Variants in NIM1K observed in about 807,000 individuals in gnomAD.
The protein encoded by NIM1K is serine/threonine-protein kinase NIM1.
NIM1K carries 35 observed loss-of-function variants against 37.1 expected under a neutral mutation model. The ratio of observed to expected loss-of-function variants is 0.94; its 90% CI spans 0.72 to 1.25. The LOEUF (loss-of-function observed/expected upper bound fraction) is 1.25. Among genes scored for constraint, NIM1K ranks in the 50% most tolerant of loss-of-function variants. The probability of loss-of-function intolerance (pLI) is 0.00; values close to 1 mark genes in which losing one functional copy is unlikely to be tolerated. For missense variants in NIM1K, 564 were observed against 548.0 expected, an observed-to-expected ratio of 1.03 and a Z score of -0.29; for synonymous variants, 234 against 206.6, an observed-to-expected ratio of 1.13 and a Z score of -1.14.
intron 1 of NIM1K, among the ~76,000 whole-genome samples, chr5:43,240,915 T>A (rs1408340396): frequency 6.6e-6 from 1 of 151,982 alleles, no homozygotes; most frequent in Non-Finnish European, 1.5e-5. Context: ...TGTAACTCAT[T>A]CTTTTTCACA....
chr5:43,232,432 G>A (rs749114703), intron 1 of NIM1K: 1 of 1,476,218 alleles, frequency 6.8e-7, no homozygotes, highest in Non-Finnish European at 9.5e-7. Context: ...CAACATTCAG[G>A]ACTCCATCAA....
intron 1 of NIM1K, among the ~76,000 whole-genome samples, chr5:43,218,019 T>C (rs912844233): frequency 4.0e-5 from 6 of 150,760 alleles, no homozygotes; most frequent in African/African-American, 1.5e-4. Context: ...GACCTCTATT[T>C]TTCTTTTTTT....
chr5:43,229,484 C>T (rs141500626), intron 1 of NIM1K, among the ~76,000 whole-genome samples: 158 of 151,796 alleles, frequency 1.0e-3, no homozygotes, highest in African/African-American at 3.6e-3. Flanking sequence ...TCAGGAATCT[C>T]TGTCATTGGT....
At chr5:43,213,605 T>A (rs35764948) in intron 1 of NIM1K, among the ~76,000 whole-genome samples, 6,587 of 152,294 alleles carry the variant, frequency 0.043, 167 homozygotes, top group Middle Eastern at 0.092. Flanking sequence ...GTGATTCTCC[T>A]GCCTCAGCCT....
At chr5:43,276,983 C>T in intron 2 of NIM1K, 74 bp from the exon 3 acceptor site, 1 of 1,449,448 alleles carries the variant, frequency 6.9e-7, no homozygotes, top group South Asian at 1.3e-5. Context: ...AGGAAAGGAG[C>T]TGATCCAGGT....
At chr5:43,264,766 T>C (rs1380967828) in intron 2 of NIM1K, among the ~76,000 whole-genome samples, 2 of 152,212 alleles carry the variant, frequency 1.3e-5, no homozygotes, top group Non-Finnish European at 2.9e-5. Context: ...TACTGGTTGT[T>C]CCTTTCCATG....
rs112177567 is a variant in NIM1K at position 43,261,927 on chromosome 5, G to A, written c.293-15130G>A. On this transcript the variant is annotated intron_variant, in intron 2 of 3. Coordinates refer to ENST00000326035, the MANE Select transcript of NIM1K (RefSeq NM_153361.4). ...AAAGATCAGATGGTTGTAGACGTGT[G>A]GTATTATTTCAGAGGGCTCCGTTCT... Among the ~76,000 whole-genome samples, 1,499 of 152,172 alleles carry A rather than the reference G, an allele frequency of 9.9e-3. 27 individuals carry two copies. Among genetic ancestry groups the A allele is most frequent in the African/African-American group, 0.034 (1,424 of 41,506 alleles).
chr5:43,223,576 A>G (rs1752411178), intron 1 of NIM1K, among the ~76,000 whole-genome samples: 1 of 152,230 alleles, frequency 6.6e-6, no homozygotes, highest in African/African-American at 2.4e-5. Context: ...CATATCTATC[A>G]TACAGCTTGA....
intron 2 of NIM1K, among the ~76,000 whole-genome samples, chr5:43,271,190 C>G (rs1753251471): frequency 1.3e-5 from 2 of 151,836 alleles, no homozygotes; most frequent in South Asian, 4.2e-4. Context: ...ATGCTTCTTA[C>G]TGCCCTTAAT....
rs1481816139 is a variant in NIM1K at position 43,280,810 on chromosome 5, A to ATT, written c.*85_*86dup. ...TTTCAAGGACAACTTGAGTGGAGACATTTTTGTAATTTTTAAATAAACTTA... is the reference window on the plus strand; with the variant it reads ...TTTCAAGGACAACTTGAGTGGAGACATTTTTTTGTAATTTTTAAATAAACTTA... On this transcript the variant is annotated 3_prime_UTR_variant, in exon 4 of 4. Transcript: ENST00000326035. 5 of 1,278,392 alleles carry ATT rather than the reference A, an allele frequency of 3.9e-6. No homozygotes were observed. The highest frequency in any genetic ancestry group is 2.0e-4 in the Middle Eastern group (1 of 5,086). 79.2% of individuals were successfully genotyped at this position (1,278,392 alleles called of 1,614,324 possible).
At position 43,245,734 on chromosome 5, in the gene NIM1K, C is replaced by T. The variant is rs1186622157; in HGVS notation, c.-42C>T. ...CTGAGCCTCTTCTGCTCCTGCACAA[C>T]CTGCCTCTTCGCTGAGATGGAGACG... On this transcript the variant is annotated 5_prime_UTR_variant, in exon 2 of 4. Transcript: ENST00000326035. 1 of 1,535,678 alleles carries T rather than the reference C, an allele frequency of 6.5e-7. No homozygotes were observed. The highest frequency in any genetic ancestry group is 2.4e-4 in the Middle Eastern group (1 of 4,210).
At chr5:43,214,910 T>G (rs1185422282) in intron 1 of NIM1K, among the ~76,000 whole-genome samples, 1 of 152,042 alleles carries the variant, frequency 6.6e-6, no homozygotes, top group Non-Finnish European at 1.5e-5. Flanking sequence ...TTCACACTTA[T>G]AATTAATTAT....
At chr5:43,253,213 TGTGTGTGTG>T (rs1752894244) in intron 2 of NIM1K, among the ~76,000 whole-genome samples, 15 of 60,348 alleles carry the variant, frequency 2.5e-4, no homozygotes, top group Admixed American at 6.6e-4. Context: ...ATATAATATA[TGTGTGTGTG>T]TGTGTGTGTG....
In NIM1K at chr5:43,280,301, T is replaced by A. The variant is rs1366141312; in HGVS notation, c.883T>A (p.Ser295Thr). 1 of 1,613,994 alleles carries A rather than the reference T, an allele frequency of 6.2e-7. No homozygotes were observed. Among genetic ancestry groups the A allele is most frequent in the East Asian group, 2.2e-5 (1 of 44,876 alleles). The stretch of plus-strand genomic sequence containing the variant: ...CACATACAGTGTACCGCCGCACGTG[T>A]CAGAGCCCTGCCACCGACTCATCCG... ...EGTYSVPPHV[S>T]EPCHRLIRGV... The change falls in exon 4 of 4, where the codon TCA becomes ACA. Residue 295 changes from serine (S) to threonine (T), a missense_variant. Coordinates refer to ENST00000326035, the MANE Select transcript of NIM1K (RefSeq NM_153361.4).
chr5:43,213,208 T>C lies in NIM1K; in HGVS notation c.-695+20797T>C, dbSNP rs530879261. ...TTCTTTCTTTCTTTCTTTCTTTCTT[T>C]CTTTCTTTCTTTCTTTCCTTCTTTT... On this transcript the variant is annotated intron_variant, in intron 1 of 3. Transcript: ENST00000326035. Among the ~76,000 whole-genome samples the C allele has an allele frequency of 4.1e-3, 253 of 61,218 alleles. 26 individuals are homozygous for C. The highest frequency in any genetic ancestry group is 0.01 in the African/African-American group (216 of 20,832). The allele number at this position is 61,218 out of a possible 152,430, so 40.2% of individuals were successfully genotyped here. A position where few individuals can be genotyped will look rare whatever the true frequency, so the allele number is the denominator to read the frequency against.
At chr5:43,241,220 T>C (rs141371250) in intron 1 of NIM1K, among the ~76,000 whole-genome samples, 1 of 152,150 alleles carries the variant, frequency 6.6e-6, no homozygotes, top group East Asian at 1.9e-4. Context: ...ATAAGTAAGG[T>C]TGAGTACATT....
At chr5:43,204,268 G>A (rs1346236139) in intron 1 of NIM1K, among the ~76,000 whole-genome samples, 1 of 150,492 alleles carries the variant, frequency 6.6e-6, no homozygotes. Flanking sequence ...ATTTTTAGTA[G>A]AGATGGAGTT....
chr5:43,206,983 G>A (rs1561072804), intron 1 of NIM1K: 17 of 758,384 alleles, frequency 2.2e-5, no homozygotes, highest in African/African-American at 6.8e-5. Context: ...TGAACAAAGC[G>A]GAATTGAGTC....
chr5:43,254,666 T>C (rs1299885727), intron 2 of NIM1K, among the ~76,000 whole-genome samples: 1 of 152,240 alleles, frequency 6.6e-6, no homozygotes, highest in African/African-American at 2.4e-5. Flanking sequence ...GTGATCTCCC[T>C]GGAGGACAGG....
Sources: allele counts gnomAD v4.1 joint callset (sites outside exome capture counted in the v4.1 genomes callset), GRCh38; gene constraint gnomAD v4.1.1; transcripts MANE v1.5; gene names NCBI Gene and HGNC (gene_info 2026-07-23, HGNC 2026-07-21).